The following SYDE2 variants were observed in gnomAD, a reference collection of about 807,000 sequenced individuals.
SYDE2 encodes the protein synapse defective Rho GTPase homolog 2, also known as rho GTPase-activating protein SYDE2.
A neutral mutation model predicts 91.5 loss-of-function variants in SYDE2; 76 were observed. That is an observed-to-expected ratio of 0.83 (90% CI 0.69 to 1.01). SYDE2 has a LOEUF of 1.01. Among genes scored for constraint, SYDE2 ranks in the 50% least tolerant of loss-of-function variants. The pLI, the probability that SYDE2 is intolerant of heterozygous loss-of-function variation, is 0.00. For missense variants in SYDE2, 1,364 were observed against 1,367.7 expected, an observed-to-expected ratio of 1.00 and a Z score of 0.04; for synonymous variants, 513 against 506.4, an observed-to-expected ratio of 1.01 and a Z score of -0.18.
At chr1:85,199,978 T>G (rs1658748926) in intron 1 of SYDE2, among the ~76,000 whole-genome samples, 1 of 151,974 alleles carries the variant, frequency 6.6e-6, no homozygotes, top group African/African-American at 2.4e-5. Context: ...AGGTAATACT[T>G]AGGGAATAGA....
chr1:85,189,897 T>C (rs1658293936), intron 2 of SYDE2, among the ~76,000 whole-genome samples, 160 bp downstream of exon 2: 1 of 152,230 alleles, frequency 6.6e-6, no homozygotes. Flanking sequence ...TACGTTAAAA[T>C]GTTTATAAAA....
intron 2 of SYDE2, among the ~76,000 whole-genome samples, chr1:85,186,497 G>A (rs11161542): frequency 0.021 from 3,175 of 151,962 alleles, 93 homozygotes; most frequent in African/African-American, 0.073. Flanking sequence ...CTTTCTTCAT[G>A]GAATTGGAAA....
rs897771885 is a variant in SYDE2 at position 85,158,657 on chromosome 1, T to TA, written c.*92dup. On this transcript the variant is annotated 3_prime_UTR_variant, in exon 7 of 7. Transcript: ENST00000341460. ...AAAAATTAATTAAAGATTTCAAGAG[T>TA]AAAAAAATGAAAACATCGCTGTGGG... 5.3e-6 allele frequency: 3 copies of TA among 568,676 alleles called. No individual in the cohort carries two copies. The highest frequency in any genetic ancestry group is 3.9e-5 in the African/African-American group (2 of 50,952). 35.2% of individuals were successfully genotyped at this position (568,676 alleles called of 1,614,324 possible).
intron 4 of SYDE2, among the ~76,000 whole-genome samples, chr1:85,171,516 T>C (rs1057073466): frequency 2.0e-5 from 3 of 152,110 alleles, no homozygotes; most frequent in African/African-American, 7.2e-5. Context: ...AGAATAGTGT[T>C]AAATATTGCA....
At chr1:85,169,382 T>G (rs1176922259) in intron 4 of SYDE2, among the ~76,000 whole-genome samples, 157 bp from the exon 5 acceptor site, 1 of 152,214 alleles carries the variant, frequency 6.6e-6, no homozygotes, top group Non-Finnish European at 1.5e-5. Context: ...TACTAGCATT[T>G]TGTATTCTTT....
intron 1 of SYDE2, among the ~76,000 whole-genome samples, chr1:85,193,409 C>T (rs1658449838): frequency 6.6e-6 from 1 of 152,198 alleles, no homozygotes; most frequent in South Asian, 2.1e-4. Context: ...TTTTCTCAGA[C>T]ATCTCTTAGA....
At chr1:85,188,292 T>C (rs1053598821) in intron 2 of SYDE2, among the ~76,000 whole-genome samples, 3 of 152,212 alleles carry the variant, frequency 2.0e-5, no homozygotes, top group African/African-American at 7.2e-5. Flanking sequence ...AATTAGCCTA[T>C]AATTAGAAAT....
chr1:85,169,353 C>T (rs895008716), intron 4 of SYDE2, 128 bp from the exon 5 acceptor site: 23 of 623,794 alleles, frequency 3.7e-5, no homozygotes, highest in Non-Finnish European at 5.1e-5. Flanking sequence ...AAGGCAACAA[C>T]ATAAAAAGAA....
In SYDE2 at chr1:85,182,016, C is replaced by T. The variant is rs537370217; in HGVS notation, c.2544+82G>A. The T allele has an allele frequency of 2.1e-5, 29 of 1,349,762 alleles. No individual in the cohort carries two copies. The South Asian group carries it at 3.7e-4, about 17-fold the overall frequency. 83.6% of individuals were successfully genotyped at this position (1,349,762 alleles called of 1,614,324 possible). A position where few individuals can be genotyped will look rare whatever the true frequency, so the allele number is the denominator to read the frequency against. On this transcript the variant is annotated intron_variant, in intron 3 of 6. Coordinates refer to ENST00000341460, the MANE Select transcript of SYDE2 (RefSeq NM_032184.2). Reference sequence around the variant, plus strand: ...AAAATATCTAAATTTGATTTTTTTACATTACCTTGAATTTCTTCCCCCAAG... The same window carrying T: ...AAAATATCTAAATTTGATTTTTTTATATTACCTTGAATTTCTTCCCCCAAG...
intron 2 of SYDE2, 90 bp from the exon 3 acceptor site, chr1:85,183,290 T>C: frequency 8.3e-7 from 1 of 1,198,314 alleles, no homozygotes; most frequent in East Asian, 2.6e-5. Context: ...AAACAGGCTT[T>C]CACATAGGCA....
intron 2 of SYDE2, among the ~76,000 whole-genome samples, chr1:85,185,856 G>C (rs1323985607): frequency 6.6e-6 from 1 of 152,146 alleles, no homozygotes; most frequent in Non-Finnish European, 1.5e-5. Flanking sequence ...TGGTGAGAGA[G>C]GGCATCCCTG....
chr1:85,160,510 A>G, intron 6 of SYDE2: 1 of 976,354 alleles, frequency 1.0e-6, no homozygotes, highest in Non-Finnish European at 1.2e-6. Context: ...ATTTACTTTA[A>G]ATTGATCTTT....
chr1:85,162,794 A>G (rs1039207880), intron 6 of SYDE2, among the ~76,000 whole-genome samples: 19 of 152,200 alleles, frequency 1.2e-4, no homozygotes, highest in Admixed American at 1.2e-3. Flanking sequence ...TCAGGCACTG[A>G]CAGTAAACTT....
At position 85,178,966 on chromosome 1, in the gene SYDE2, A is replaced by C. The variant is rs984301883; in HGVS notation, c.2545-694T>G. Among the ~76,000 whole-genome samples the C allele has an allele frequency of 2.6e-5, 4 of 152,250 alleles. No homozygotes were observed. The East Asian group carries it at 7.7e-4, about 29-fold the overall frequency. ...CATCCCACCAACCTACATTGAAAAG[A>C]TTTGTCTTTAAACACTGTCATACAG... On this transcript the variant is annotated intron_variant, in intron 3 of 6. Transcript: ENST00000341460.
Position 85,190,154 on chromosome 1 carries a change from G to T in SYDE2, c.1344C>A (p.Ser448=). 6.2e-7 allele frequency: 1 copy of T among 1,613,966 alleles called. No homozygotes were observed. Among genetic ancestry groups the T allele is most frequent in the Non-Finnish European group, 8.5e-7 (1 of 1,179,890 alleles). Residue 448 remains serine, a synonymous_variant, in exon 2 of 7, where the codon TCC becomes TCA. Transcript: ENST00000341460. ...GCTTGTACTGCTGCACAAATTCTGT[G>T]GAATGGGCAGGATGTATAGGATTCA... ...NGMNPIHPAH[S]TEFVQQYKQK...
chr1:85,159,640 A>G (rs147362857), intron 6 of SYDE2, among the ~76,000 whole-genome samples: 2 of 152,364 alleles, frequency 1.3e-5, no homozygotes, highest in African/African-American at 4.8e-5. Flanking sequence ...ACAAAATATA[A>G]CAAGAAGTTC....
Position 85,176,540 on chromosome 1 carries a change from C to T in SYDE2, c.2671+1606G>A, listed in dbSNP as rs116942087. The stretch of plus-strand genomic sequence containing the variant: ...TTCACCAACAAAATTCTCTTAAATA[C>T]GTACAAGATGAACCTTCCTCAAATT... On this transcript the variant is annotated intron_variant, in intron 4 of 6. Coordinates refer to ENST00000341460, the MANE Select transcript of SYDE2 (RefSeq NM_032184.2). 1.9e-4 allele frequency among the ~76,000 whole-genome samples: 29 copies of T among 152,178 alleles called. No homozygotes were observed. In the East Asian group the frequency reaches 4.4e-3, roughly 23 times the overall value.
At chr1:85,154,620 A>ATGGC (rs1333808399), downstream of SYDE2, among the ~76,000 whole-genome samples, 1 of 151,076 alleles carries the variant, frequency 6.6e-6, no homozygotes, top group Non-Finnish European at 1.5e-5. Context: ...ATCTCATTTG[A>ATGGC]TGGCGCTCCA....
intron 1 of SYDE2, among the ~76,000 whole-genome samples, chr1:85,194,537 T>C (rs1658505935): frequency 6.7e-6 from 1 of 149,622 alleles, no homozygotes; most frequent in African/African-American, 2.4e-5. Flanking sequence ...TGAAAGAAGG[T>C]CCAACTAAAA....
Sources: allele counts gnomAD v4.1 joint callset (sites outside exome capture counted in the v4.1 genomes callset), GRCh38; gene constraint gnomAD v4.1.1; transcripts MANE v1.5; gene names NCBI Gene and HGNC (gene_info 2026-07-23, HGNC 2026-07-21).